The following DHX32 variants were observed in gnomAD, a reference collection of about 807,000 sequenced individuals.
DHX32 encodes the protein putative pre-mRNA-splicing factor ATP-dependent RNA helicase DHX32.
Under a neutral mutation model 70.0 loss-of-function variants are expected in DHX32, and 51 were observed. The ratio of observed to expected loss-of-function variants is 0.73; its 90% confidence interval spans 0.58 to 0.92. The LOEUF (loss-of-function observed/expected upper bound fraction) is 0.92, where lower values mean the gene tolerates loss of function less well. Among genes scored for constraint, DHX32 ranks in the 40% least tolerant of loss-of-function variants. DHX32 has a pLI of 0.00. For synonymous variants in DHX32, 310 were observed against 315.3 expected (o/e 0.98, Z 0.18); for missense variants, 762 against 891.8 (o/e 0.85, Z 1.85).
chr10:125,870,762 G>A (rs1481089972), intron 1 of DHX32, among the ~76,000 whole-genome samples: 4 of 152,160 alleles, frequency 2.6e-5, no homozygotes, highest in African/African-American at 7.2e-5. Flanking sequence ...ACTTGAACCC[G>A]GGAGGCGCAG....
chr10:125,875,538 A>G (rs535569858), intron 1 of DHX32, among the ~76,000 whole-genome samples: 5 of 152,364 alleles, frequency 3.3e-5, no homozygotes, highest in African/African-American at 9.6e-5. Flanking sequence ...CATTGACATA[A>G]ATAAATGATG....
intron 6 of DHX32, among the ~76,000 whole-genome samples, chr10:125,851,287 T>A (rs1461056647): frequency 1.3e-5 from 2 of 152,246 alleles, no homozygotes; most frequent in Non-Finnish European, 2.9e-5. Flanking sequence ...AGAAAAGTTA[T>A]GTGTGTATTG....
intron 2 of DHX32, among the ~76,000 whole-genome samples, chr10:125,862,846 G>A (rs115883304): frequency 6.6e-6 from 1 of 151,324 alleles, no homozygotes; most frequent in South Asian, 2.1e-4. Flanking sequence ...TGTGAGCAAG[G>A]CTCCAACTCA....
intron 2 of DHX32, among the ~76,000 whole-genome samples, chr10:125,863,668 C>T (rs1008978219): frequency 4.6e-5 from 7 of 152,152 alleles, no homozygotes; most frequent in Admixed American, 1.3e-4. Flanking sequence ...CCAGGATGGT[C>T]CCGATCTCCT....
At chr10:125,895,130 G>A (rs1433867586) in intron 1 of DHX32, among the ~76,000 whole-genome samples, 1 of 152,378 alleles carries the variant, frequency 6.6e-6, no homozygotes, top group Non-Finnish European at 1.5e-5. Flanking sequence ...CTGAGAGGGG[G>A]AAAACCTAAT....
At chr10:125,873,831 T>G (rs541539387) in intron 1 of DHX32, among the ~76,000 whole-genome samples, 86 of 152,268 alleles carry the variant, frequency 5.6e-4, no homozygotes, top group Middle Eastern at 6.8e-3. Context: ...TGAATACAGG[T>G]AGAACCTACC....
At chr10:125,871,833 ACCTTTCTTCC>A in intron 1 of DHX32, among the ~76,000 whole-genome samples, 1 of 149,226 alleles carries the variant, frequency 6.7e-6, no homozygotes, top group South Asian at 2.1e-4. Flanking sequence ...GTTGGTATTG[ACCTTTCTTCC>A]CCTAGTTCTG....
At position 125,836,856 on chromosome 10, in the gene DHX32, CTG is replaced by C. The variant is rs1448427827; in HGVS notation, c.2064-3_2064-2del. ...GTATTGTGGTACCAGCTGCATAAAT[CTG>C]TTTATTTAAGACAAAAAGATGAGAT... On this transcript the variant is annotated splice_acceptor_variant and splice_polypyrimidine_tract_variant and intron_variant, in intron 10 of 10. Coordinates refer to ENST00000284690, the MANE Select transcript of DHX32 (RefSeq NM_018180.3). LOFTEE classifies it high-confidence loss of function. 2.5e-6 allele frequency: 4 copies of C among 1,613,604 alleles called. No homozygotes were observed. The African/African-American group carries it at 5.3e-5, about 22-fold the overall frequency.
In DHX32 at chr10:125,873,143, G is replaced by A. The variant is rs781477515; in HGVS notation, c.283-5960C>T. 6.8e-4 allele frequency among the ~76,000 whole-genome samples: 103 copies of A among 152,276 alleles called. 5 individuals are homozygous for A. The highest frequency in any genetic ancestry group is 6.2e-4 in the South Asian group (3 of 4,828). ...ATCAAGGGAGCAGCAGCGGCATCACGTATCCGTGTATGGTCTCATCACTGC... is the reference window on the plus strand; with the variant it reads ...ATCAAGGGAGCAGCAGCGGCATCACATATCCGTGTATGGTCTCATCACTGC... On this transcript the variant is annotated intron_variant, in intron 1 of 10. Coordinates refer to ENST00000284690, the MANE Select transcript of DHX32 (RefSeq NM_018180.3).
At chr10:125,855,860 T>A (rs987958008) in intron 3 of DHX32, among the ~76,000 whole-genome samples, 1 of 152,194 alleles carries the variant, frequency 6.6e-6, no homozygotes, top group African/African-American at 2.4e-5. Context: ...CTAAAACTTT[T>A]TAGTCATAGG....
chr10:125,837,917 A>G (rs1454845734), intron 10 of DHX32, among the ~76,000 whole-genome samples: 2 of 152,042 alleles, frequency 1.3e-5, no homozygotes, highest in Non-Finnish European at 2.9e-5. Context: ...CATTCCTCTC[A>G]AGGTCAATGC....
intron 3 of DHX32, 142 bp downstream of exon 3, chr10:125,859,461 C>T: frequency 1.1e-6 from 1 of 908,506 alleles, no homozygotes; most frequent in African/African-American, 1.7e-5. Flanking sequence ...GTTCTCCTTT[C>T]AGCACAGGTT....
rs893072108 is a variant in DHX32, at chr10:125,852,459, A to G, written c.1193-8T>C. On this transcript the variant is annotated splice_region_variant and splice_polypyrimidine_tract_variant and intron_variant, in intron 5 of 10. Coordinates refer to ENST00000284690, the MANE Select transcript of DHX32 (RefSeq NM_018180.3). ...ACAGGCAGAAAAATTTTCCTAAAAG[A>G]CACCAAGAAAAATGGCTTTAATATT... is the stretch of plus-strand genomic sequence containing the variant. The G allele has an allele frequency of 6.3e-5, 102 of 1,613,680 alleles. No homozygotes were observed. Among genetic ancestry groups the G allele is most frequent in the Non-Finnish European group, 8.3e-5 (98 of 1,179,930 alleles).
intron 6 of DHX32, among the ~76,000 whole-genome samples, chr10:125,850,718 G>A (rs1015708811): frequency 6.6e-6 from 1 of 152,162 alleles, no homozygotes; most frequent in African/African-American, 2.4e-5. Flanking sequence ...AACGTGCCAT[G>A]CCTGTTTGTG....
Position 125,840,891 on chromosome 10 carries a change from ATGC to A in DHX32, c.1646_1648del (p.Ser549del), listed in dbSNP as rs1854857957. 6.2e-7 allele frequency: 1 copy of A among 1,609,448 alleles called. No individual in the cohort carries two copies. Among genetic ancestry groups the A allele is most frequent in the Admixed American group, 1.7e-5 (1 of 59,836 alleles). On this transcript the variant is annotated inframe_deletion, in exon 8 of 11. Transcript: ENST00000284690. ...AGTTGTGTCTTGGTAAGCCTTGTAA[ATGC>A]TGATGAGGGTAAAGTGATCTCCTTC...
upstream of DHX32, among the ~76,000 whole-genome samples, chr10:125,886,196 A>C (rs528070118): frequency 1.4e-4 from 21 of 152,396 alleles, no homozygotes; most frequent in East Asian, 3.1e-3. Flanking sequence ...CAGATATCCA[A>C]ATGGCTAGCT....
At chr10:125,847,598 C>T (rs1280178962) in intron 6 of DHX32, among the ~76,000 whole-genome samples, 1 of 152,154 alleles carries the variant, frequency 6.6e-6, no homozygotes, top group African/African-American at 2.4e-5. Flanking sequence ...TTCCACAGAC[C>T]AGAGGGTGGA....
chr10:125,892,324 T>C (rs76612247), intron 1 of DHX32, among the ~76,000 whole-genome samples: 30 of 150,568 alleles, frequency 2.0e-4, no homozygotes, highest in South Asian at 2.1e-4. Context: ...TTTTTGTCTC[T>C]CATTTAGGCT....
At chr10:125,871,207 G>C (rs1944253677) in intron 1 of DHX32, among the ~76,000 whole-genome samples, 1 of 152,112 alleles carries the variant, frequency 6.6e-6, no homozygotes, top group African/African-American at 2.4e-5. Flanking sequence ...ATACATTCCT[G>C]GAAGTACAAC....
Sources: gnomAD v4.1 joint callset for allele counts (sites outside exome capture counted in the v4.1 genomes callset) on GRCh38, gnomAD v4.1.1 for gene constraint, MANE v1.5 for transcripts, NCBI Gene and HGNC (gene_info 2026-07-23, HGNC 2026-07-21) for gene names.